ADAMTS20: variants seen among roughly 807,000 people sequenced by gnomAD.
ADAMTS20 encodes the protein ADAM metallopeptidase with thrombospondin type 1 motif 20.
ADAMTS20 carries 225 observed loss-of-function variants against 260.1 expected under a neutral mutation model. The ratio of observed to expected loss-of-function variants is 0.87; its 90% CI spans 0.78 to 0.97. The LOEUF (loss-of-function observed/expected upper bound fraction) is 0.97, where lower values mean the gene tolerates loss of function less well. Ranked by LOEUF, ADAMTS20 falls within the 50% of genes least tolerant of loss-of-function variation. ADAMTS20 has a pLI of 0.00. For synonymous variants in ADAMTS20, 802 were observed against 769.5 expected, an observed-to-expected ratio of 1.04 and a Z score of -0.70; for missense variants, 2,400 against 2,337.7, an observed-to-expected ratio of 1.03 and a Z score of -0.55.
intron 3 of ADAMTS20, among the ~76,000 whole-genome samples, chr12:43,526,194 C>CG (rs1264120545): frequency 6.6e-6 from 1 of 152,194 alleles, no homozygotes; most frequent in Non-Finnish European, 1.5e-5. Context: ...CAGTGGCTCA[C>CG]GCCTGTAATC....
At chr12:43,484,463 G>T in intron 7 of ADAMTS20, among the ~76,000 whole-genome samples, 1 of 152,170 alleles carries the variant, frequency 6.6e-6, no homozygotes, top group East Asian at 1.9e-4. Flanking sequence ...ATGTTCTAAA[G>T]AGATATTTTA....
intron 17 of ADAMTS20, 67 bp from the exon 18 acceptor site, chr12:43,439,818 T>C (rs1941627076): frequency 6.4e-7 from 1 of 1,552,850 alleles, no homozygotes; most frequent in Non-Finnish European, 8.7e-7. Flanking sequence ...CATTTTATAT[T>C]TGATAATGTT....
intron 36 of ADAMTS20, among the ~76,000 whole-genome samples, chr12:43,373,749 G>A (rs1940158665): frequency 2.1e-5 from 3 of 140,362 alleles, no homozygotes; most frequent in African/African-American, 8.0e-5. Context: ...GCGCGATCTC[G>A]GCTCACTGCA....
At chr12:43,434,143 G>C in intron 19 of ADAMTS20, 102 bp downstream of exon 19, 1 of 1,221,844 alleles carries the variant, frequency 8.2e-7, no homozygotes, top group Non-Finnish European at 1.1e-6. Flanking sequence ...GGCAGATGAT[G>C]AGTAATAATT....
intron 31 of ADAMTS20, among the ~76,000 whole-genome samples, chr12:43,382,214 A>G (rs1940369743): frequency 6.6e-6 from 1 of 152,234 alleles, no homozygotes; most frequent in Admixed American, 6.5e-5. Flanking sequence ...TTGAAACGTC[A>G]AAATTGGAAT....
chr12:43,399,264 A>T (rs1592048390), intron 28 of ADAMTS20, 31 bp from the exon 29 acceptor site: 2 of 1,416,524 alleles, frequency 1.4e-6, no homozygotes, highest in African/African-American at 3.0e-5. Context: ...CACTTGATTC[A>T]TTTTCTTCTT....
At chr12:43,514,897 T>C (rs1437016013) in intron 3 of ADAMTS20, among the ~76,000 whole-genome samples, 1 of 152,192 alleles carries the variant, frequency 6.6e-6, no homozygotes, top group Non-Finnish European at 1.5e-5. Flanking sequence ...GAGTGACTCT[T>C]GCAAATGTGT....
chr12:43,413,403 T>C (rs1941070427), intron 28 of ADAMTS20, among the ~76,000 whole-genome samples: 1 of 152,170 alleles, frequency 6.6e-6, no homozygotes, highest in African/African-American at 2.4e-5. Context: ...TTGAAAAAAG[T>C]TACAGGAAAG....
chr12:43,416,693 T>C (rs563311992), intron 28 of ADAMTS20, among the ~76,000 whole-genome samples: 3 of 151,786 alleles, frequency 2.0e-5, no homozygotes, highest in South Asian at 2.1e-4. Flanking sequence ...GCTAATTTTT[T>C]TGGTATTTTT....
chr12:43,455,260 A>T (rs1040283471), intron 11 of ADAMTS20, among the ~76,000 whole-genome samples: 2 of 152,230 alleles, frequency 1.3e-5, no homozygotes, highest in Non-Finnish European at 2.9e-5. Flanking sequence ...ATGTTGTCTT[A>T]GTCCATTTTG....
At chr12:43,381,852 C>T (rs1451653025) in intron 31 of ADAMTS20, among the ~76,000 whole-genome samples, 2 of 145,200 alleles carry the variant, frequency 1.4e-5, no homozygotes, top group African/African-American at 2.6e-5. Flanking sequence ...TATACAAATA[C>T]CTAAAACACA....
chr12:43,501,503 ATGT>A (rs1157621620), intron 4 of ADAMTS20, among the ~76,000 whole-genome samples: 1,549 of 96,912 alleles, frequency 0.016, 21 homozygotes, highest in Non-Finnish European at 0.026. Context: ...ACACACACAC[ATGT>A]AAGGATGAAG....
intron 29 of ADAMTS20, among the ~76,000 whole-genome samples, chr12:43,388,933 T>G (rs1378102767): frequency 1.3e-5 from 2 of 152,152 alleles, no homozygotes; most frequent in Admixed American, 6.5e-5. Flanking sequence ...GAGGAAGGGA[T>G]GAGCTAGCTT....
intron 7 of ADAMTS20, among the ~76,000 whole-genome samples, chr12:43,485,727 G>T (rs978112800): frequency 6.6e-6 from 1 of 152,028 alleles, no homozygotes; most frequent in Non-Finnish European, 1.5e-5. Flanking sequence ...TAAAGTCTTA[G>T]GTTCCCAAAT....
rs559528690 is a variant in ADAMTS20 at position 43,464,094 on chromosome 12, C to T, written c.1509+497G>A. 3.3e-5 allele frequency among the ~76,000 whole-genome samples: 5 copies of T among 152,122 alleles called. No individual in the cohort carries two copies. In the South Asian group the frequency reaches 1.0e-3, roughly 32 times the overall value. ...TATTTCAATGACAAAGGTATCTCAT[C>T]TATGAAAAATCCTCAAAATATTATA... On this transcript the variant is annotated intron_variant, in intron 10 of 38. Coordinates refer to ENST00000389420, the MANE Select transcript of ADAMTS20 (RefSeq NM_025003.5).
intron 31 of ADAMTS20, 74 bp from the exon 32 acceptor site, chr12:43,377,636 A>C: frequency 8.4e-7 from 1 of 1,194,522 alleles, no homozygotes; most frequent in South Asian, 1.5e-5. Context: ...CAGATGCTTA[A>C]TATATATTAT....
chr12:43,525,933 G>A (rs1943135508), intron 3 of ADAMTS20, among the ~76,000 whole-genome samples: 1 of 151,970 alleles, frequency 6.6e-6, no homozygotes. Flanking sequence ...TAATAATGGG[G>A]GAATTCAATA....
intron 3 of ADAMTS20, among the ~76,000 whole-genome samples, chr12:43,529,426 G>C (rs1278442034): frequency 6.6e-6 from 1 of 152,070 alleles, no homozygotes; most frequent in Non-Finnish European, 1.5e-5. Context: ...CCAACAAGTG[G>C]ATAAAGAAAA....
intron 22 of ADAMTS20, 135 bp from the exon 23 acceptor site, chr12:43,430,606 C>T (rs546343549): frequency 1.1e-4 from 91 of 829,036 alleles, no homozygotes; most frequent in Middle Eastern, 4.0e-4. Context: ...AGATTTAAGA[C>T]TTAAAAAGAG....
Sources: allele counts gnomAD v4.1 joint callset (sites outside exome capture counted in the v4.1 genomes callset), GRCh38; gene constraint gnomAD v4.1.1; transcripts MANE v1.5; gene names NCBI Gene and HGNC (gene_info 2026-07-23, HGNC 2026-07-21).